The following MGAT5 variants were observed in gnomAD, a reference collection of about 807,000 sequenced individuals.
MGAT5 encodes the protein alpha-1,6-mannosylglycoprotein 6-beta-N-acetylglucosaminyltransferase.
In MGAT5, 30 loss-of-function variants were observed where a neutral mutation model predicts 94.3. The ratio of observed to expected loss-of-function variants is 0.32; its 90% confidence interval spans 0.24 to 0.43. The LOEUF is 0.43. Among genes scored for constraint, MGAT5 ranks in the 20% least tolerant of loss-of-function variants. MGAT5 has a pLI of 1.00. For synonymous variants in MGAT5, 310 were observed against 322.9 expected (o/e 0.96, Z 0.43); for missense variants, 691 against 905.5 (o/e 0.76, Z 3.04).
At chr2:134,204,171 C>T (rs1000856643) in intron 1 of MGAT5, among the ~76,000 whole-genome samples, 9 of 152,190 alleles carry the variant, frequency 5.9e-5, no homozygotes, top group African/African-American at 2.2e-4. Flanking sequence ...TCATTTCATG[C>T]ATCCTGGTGA....
intron 1 of MGAT5, among the ~76,000 whole-genome samples, chr2:134,121,686 TG>T (rs1685599457): frequency 1.3e-5 from 2 of 152,186 alleles, no homozygotes; most frequent in South Asian, 4.1e-4. Context: ...CAGTTGTGTG[TG>T]GGGTTCGGGT....
chr2:134,322,325 C>A (rs1392449130), intron 4 of MGAT5, among the ~76,000 whole-genome samples: 1 of 152,138 alleles, frequency 6.6e-6, no homozygotes, highest in Non-Finnish European at 1.5e-5. Context: ...GATCCTTTGA[C>A]TTCTGGTAAT....
intron 4 of MGAT5, among the ~76,000 whole-genome samples, chr2:134,320,997 T>C (rs1304993248): frequency 2.6e-5 from 4 of 152,162 alleles, no homozygotes; most frequent in Admixed American, 6.5e-5. Flanking sequence ...AAATACCTCT[T>C]GGAAATGAAC....
At chr2:134,147,208 C>G (rs1323265936) in intron 1 of MGAT5, among the ~76,000 whole-genome samples, 1 of 152,112 alleles carries the variant, frequency 6.6e-6, no homozygotes, top group Non-Finnish European at 1.5e-5. Flanking sequence ...TGGATGTGAG[C>G]ATTAGAATAC....
intron 1 of MGAT5, among the ~76,000 whole-genome samples, chr2:134,233,037 A>G: frequency 6.6e-6 from 1 of 152,262 alleles, no homozygotes; most frequent in East Asian, 1.9e-4. Context: ...GAAGAATAGT[A>G]TAGACATTGA....
At chr2:134,247,375 CA>C (rs71398602) in intron 1 of MGAT5, among the ~76,000 whole-genome samples, 61 of 122,466 alleles carry the variant, frequency 5.0e-4, no homozygotes, top group African/African-American at 2.1e-3. Flanking sequence ...AAAAAAAAAA[CA>C]AAAAAAAAAC....
intron 2 of MGAT5, among the ~76,000 whole-genome samples, chr2:134,312,066 A>G (rs1332891516): frequency 6.6e-6 from 1 of 152,174 alleles, no homozygotes; most frequent in Non-Finnish European, 1.5e-5. Flanking sequence ...CCTGGCCAAC[A>G]TGGCGAAACC....
At chr2:134,366,768 G>A (rs1467207790) in intron 10 of MGAT5, among the ~76,000 whole-genome samples, 1 of 152,224 alleles carries the variant, frequency 6.6e-6, no homozygotes, top group Admixed American at 6.5e-5. Context: ...CATGCTTTGA[G>A]CAGCAAGGTC....
Position 134,194,477 on chromosome 2 carries a change from A to T in MGAT5, c.-142-59785A>T, listed in dbSNP as rs544231717. ...CAGTTACAAGGGGGCGGAGGGTGGA[A>T]TATTACCTCTAAGTCTACTTATTAG... On this transcript the variant is annotated intron_variant, in intron 1 of 16. Transcript: ENST00000409645. 2.0e-5 allele frequency among the ~76,000 whole-genome samples: 3 copies of T among 152,284 alleles called. No individual in the cohort carries two copies. The East Asian group carries it at 5.8e-4, about 29-fold the overall frequency.
At chr2:134,127,720 G>GCCC (rs1685913799) in intron 1 of MGAT5, among the ~76,000 whole-genome samples, 1 of 151,960 alleles carries the variant, frequency 6.6e-6, no homozygotes, top group Non-Finnish European at 1.5e-5. Context: ...CATGTGGGCC[G>GCCC]ATTCTGTGGT....
chr2:134,421,035 C>T (rs1413203808), intron 12 of MGAT5, among the ~76,000 whole-genome samples: 1 of 152,112 alleles, frequency 6.6e-6, no homozygotes, highest in Non-Finnish European at 1.5e-5. Context: ...GAAGGAGGAG[C>T]GAAGCCTGAG....
Position 134,341,570 on chromosome 2 carries a change from T to C in MGAT5, c.808-20T>C, listed in dbSNP as rs1337491247. On this transcript the variant is annotated intron_variant, in intron 6 of 15. Transcript: ENST00000281923. ...GTATGTGGTTCAGTGTGAATCAGTA[T>C]ATGCCTCTTTGTTTTCCAGGTCCTC... The C allele has an allele frequency of 1.2e-6, 2 of 1,608,334 alleles. No individual in the cohort carries two copies. The highest frequency in any genetic ancestry group is 2.2e-5 in the South Asian group (2 of 90,308).
chr2:134,270,303 G>T, intron 1 of MGAT5, 83 bp from the exon 2 acceptor site: 2 of 1,332,632 alleles, frequency 1.5e-6, no homozygotes, highest in African/African-American at 1.5e-5. Flanking sequence ...GAGAAGTTTT[G>T]TTCTCCACGA....
intron 1 of MGAT5, among the ~76,000 whole-genome samples, chr2:134,237,381 T>C (rs1224531182): frequency 6.6e-6 from 1 of 152,210 alleles, no homozygotes; most frequent in Non-Finnish European, 1.5e-5. Flanking sequence ...AGTAAATGTT[T>C]GCAGAATAAT....
chr2:134,426,119 G>A, intron 13 of MGAT5, among the ~76,000 whole-genome samples: 1 of 152,116 alleles, frequency 6.6e-6, no homozygotes, highest in East Asian at 1.9e-4. Flanking sequence ...AGGCTGTCAG[G>A]ACTCTGAAGA....
chr2:134,230,164 A>G (rs1175556570), intron 1 of MGAT5, among the ~76,000 whole-genome samples: 2 of 152,258 alleles, frequency 1.3e-5, no homozygotes, highest in African/African-American at 2.4e-5. Context: ...ACCTCAGATC[A>G]TCAGGCATTA....
intron 1 of MGAT5, among the ~76,000 whole-genome samples, chr2:134,229,889 CA>C (rs1195805488): frequency 6.6e-5 from 10 of 152,108 alleles, no homozygotes; most frequent in African/African-American, 2.4e-4. Flanking sequence ...AAAAGAAAAA[CA>C]AATAATCAGT....
intron 1 of MGAT5, among the ~76,000 whole-genome samples, chr2:134,226,129 C>A (rs1681049721): frequency 1.3e-5 from 2 of 152,202 alleles, no homozygotes; most frequent in Non-Finnish European, 2.9e-5. Flanking sequence ...GGAATGACTA[C>A]CCTCTCTTTT....
chr2:134,173,680 T>C (rs993530954), intron 1 of MGAT5, among the ~76,000 whole-genome samples: 3 of 152,156 alleles, frequency 2.0e-5, no homozygotes, highest in African/African-American at 7.2e-5. Flanking sequence ...CAGGAATAAC[T>C]ACCGAAAGAG....
Sources: allele counts gnomAD v4.1 joint callset (sites outside exome capture counted in the v4.1 genomes callset), GRCh38; gene constraint gnomAD v4.1.1; transcripts MANE v1.5; gene names NCBI Gene and HGNC (gene_info 2026-07-23, HGNC 2026-07-21).